ZBBX: variants seen among roughly 807,000 people sequenced by gnomAD.
ZBBX encodes zinc finger B-box domain containing, also known as zinc finger B-box domain-containing protein 1.
Under a neutral mutation model 108.5 loss-of-function variants are expected in ZBBX, and 101 were observed. The ratio of observed to expected loss-of-function variants is 0.93; its 90% CI spans 0.79 to 1.10. The LOEUF is 1.10. ZBBX is among the 50% of genes least tolerant of loss of function. The pLI is 0.00. For missense variants in ZBBX, 1,009 were observed against 941.4 expected (o/e 1.07, Z -0.94); for synonymous variants, 356 against 323.4 (o/e 1.10, Z -1.08).
intron 16 of ZBBX, among the ~76,000 whole-genome samples, chr3:167,309,987 T>G (rs1206025452): frequency 6.6e-6 from 1 of 152,212 alleles, no homozygotes; most frequent in Non-Finnish European, 1.5e-5. Context: ...TGCATATGAC[T>G]ATATGCTTTT....
At chr3:167,348,160 G>T (rs1332713372) in intron 9 of ZBBX, among the ~76,000 whole-genome samples, 1 of 141,892 alleles carries the variant, frequency 7.0e-6, no homozygotes, top group African/African-American at 2.6e-5. Context: ...CATGAAAGAA[G>T]GAAAGAGAGA....
At chr3:167,383,480 C>T (rs1027698221), upstream of ZBBX, among the ~76,000 whole-genome samples, 5 of 152,034 alleles carry the variant, frequency 3.3e-5, no homozygotes, top group Non-Finnish European at 4.4e-5. Flanking sequence ...TAAATGCATC[C>T]GAATGGCTAA....
chr3:167,242,088 A>C (rs540411947), intron 21 of ZBBX, among the ~76,000 whole-genome samples: 3 of 152,296 alleles, frequency 2.0e-5, no homozygotes, highest in Admixed American at 2.0e-4. Flanking sequence ...TTAATTTTCT[A>C]GGCTTGATTT....
At chr3:167,221,498 G>C in the ZBBX span, among the ~76,000 whole-genome samples, 2 of 151,886 alleles carry the variant, frequency 1.3e-5, no homozygotes, top group East Asian at 3.9e-4. Flanking sequence ...CCTATCTCTT[G>C]TTGACTATGA....
At chr3:167,316,140 C>T (rs1388690028) in intron 14 of ZBBX, among the ~76,000 whole-genome samples, 2 of 152,196 alleles carry the variant, frequency 1.3e-5, no homozygotes, top group Non-Finnish European at 2.9e-5. Context: ...ACTGGCTCAT[C>T]ATAAACTTAC....
Position 167,314,045 on chromosome 3 carries a change from T to C in ZBBX, c.1346A>G (p.Asp449Gly), listed in dbSNP as rs778275948. The part of the protein sequence containing the change: ...ENGIHQHHVF[D>G]KGKRDFLNLC... ...ATTTAAGAAGTCTCTCTTTCCCTTA[T>C]CGAAAACATGATGTTGATGGATGCC... Residue 449 changes from aspartate to glycine, a missense_variant, in exon 16 of 22, where the codon GAT becomes GGT. Physicochemically the swap from Asp to Gly is moderately conservative, Grantham distance 94. Coordinates refer to ENST00000675490, the MANE Select transcript of ZBBX (RefSeq NM_001199201.2). 1 of 1,608,114 alleles carries C rather than the reference T, an allele frequency of 6.2e-7. No homozygotes were observed. Among genetic ancestry groups the C allele is most frequent in the Admixed American group, 1.7e-5 (1 of 59,320 alleles).
chr3:167,255,702 T>C (rs927214718), intron 20 of ZBBX, among the ~76,000 whole-genome samples: 1 of 152,126 alleles, frequency 6.6e-6, no homozygotes, highest in Non-Finnish European at 1.5e-5. Flanking sequence ...TATATATTTA[T>C]GGGGTACATG....
At chr3:167,295,482 T>G (rs990323567) in intron 18 of ZBBX, among the ~76,000 whole-genome samples, 5 of 150,328 alleles carry the variant, frequency 3.3e-5, no homozygotes, top group Admixed American at 6.6e-5. Context: ...TAAGTGGGAG[T>G]TGAACAATGA....
chr3:167,299,537 T>C (rs1732277722), intron 17 of ZBBX, among the ~76,000 whole-genome samples: 1 of 152,084 alleles, frequency 6.6e-6, no homozygotes, highest in East Asian at 1.9e-4. Context: ...TAGTTATGTT[T>C]TGTCTACTTT....
chr3:167,275,078 T>A (rs538386489), intron 20 of ZBBX, among the ~76,000 whole-genome samples: 1 of 152,226 alleles, frequency 6.6e-6, no homozygotes, highest in Non-Finnish European at 1.5e-5. Context: ...GTACAATTAA[T>A]TTTAATTTGA....
At chr3:167,257,706 A>T (rs1723769692) in intron 20 of ZBBX, among the ~76,000 whole-genome samples, 1 of 151,988 alleles carries the variant, frequency 6.6e-6, no homozygotes, top group South Asian at 2.1e-4. Flanking sequence ...TTCTTTCAGG[A>T]GGTGGTATCA....
At chr3:167,292,934 A>C (rs137926864) in intron 18 of ZBBX, among the ~76,000 whole-genome samples, 5 of 152,160 alleles carry the variant, frequency 3.3e-5, no homozygotes, top group Non-Finnish European at 7.3e-5. Flanking sequence ...CTATGCAAAT[A>C]AAGTAGAAAA....
At chr3:167,319,076 A>G (rs1250200356) in intron 12 of ZBBX, among the ~76,000 whole-genome samples, 1 of 152,114 alleles carries the variant, frequency 6.6e-6, no homozygotes, top group East Asian at 1.9e-4. Flanking sequence ...TGCACTTACC[A>G]TATAGCCCAC....
chr3:167,228,441 G>A, the ZBBX span, among the ~76,000 whole-genome samples: 1 of 151,740 alleles, frequency 6.6e-6, no homozygotes, highest in Admixed American at 6.6e-5. Context: ...TCTCATTATA[G>A]TGGACTTAGA....
intron 21 of ZBBX, 127 bp downstream of exon 21, chr3:167,242,378 T>C: frequency 2.5e-6 from 2 of 788,588 alleles, no homozygotes; most frequent in African/African-American, 1.7e-5. Flanking sequence ...AAACATTCTA[T>C]AAAGAATGAT....
rs183615274 is a variant in ZBBX at position 167,295,246 on chromosome 3, T to C, written c.1879+3059A>G. On this transcript the variant is annotated intron_variant, in intron 18 of 21. Coordinates refer to ENST00000675490, the MANE Select transcript of ZBBX (RefSeq NM_001199201.2). Reference sequence around the variant, plus strand: ...TATTATAAAGACACATGCACACATATGTTTATTGCAGCACTGTTCACAATA... The same window carrying C: ...TATTATAAAGACACATGCACACATACGTTTATTGCAGCACTGTTCACAATA... Among the ~76,000 whole-genome samples the C allele has an allele frequency of 2.1e-3, 313 of 152,314 alleles. 1 individual carries two copies. Among genetic ancestry groups the C allele is most frequent in the Non-Finnish European group, 2.1e-3 (144 of 68,028 alleles).
At chr3:167,277,317 A>C (rs1196279340) in intron 20 of ZBBX, among the ~76,000 whole-genome samples, 1 of 152,236 alleles carries the variant, frequency 6.6e-6, no homozygotes, top group Non-Finnish European at 1.5e-5. Flanking sequence ...TTGGATCAAG[A>C]GTCAAAACCC....
In ZBBX at chr3:167,333,759, A is replaced by G. The variant is rs533707000; in HGVS notation, c.687+68T>C. ...TGGTGAAATTCTATAGCTCAAGTTA[A>G]GTACATGAATGGCACCTGCCATAGT... On this transcript the variant is annotated intron_variant, in intron 10 of 21. Coordinates refer to ENST00000675490, the MANE Select transcript of ZBBX (RefSeq NM_001199201.2). 1.1e-5 allele frequency: 15 copies of G among 1,317,850 alleles called. No homozygotes were observed. The African/African-American group carries it at 1.9e-4, about 17-fold the overall frequency. The allele number at this position is 1,317,850 out of a possible 1,614,324, so 81.6% of individuals were successfully genotyped here.
intron 20 of ZBBX, among the ~76,000 whole-genome samples, chr3:167,264,045 T>G (rs187998280): frequency 6.6e-6 from 1 of 152,354 alleles, no homozygotes; most frequent in East Asian, 1.9e-4. Context: ...TTTTTTGGTT[T>G]CCATTGTCAT....
Sources: gnomAD v4.1 joint callset for allele counts (sites outside exome capture counted in the v4.1 genomes callset) on GRCh38, gnomAD v4.1.1 for gene constraint, MANE v1.5 for transcripts, NCBI Gene and HGNC (gene_info 2026-07-23, HGNC 2026-07-21) for gene names.